GFOD1: variants seen among roughly 807,000 people sequenced by gnomAD.
The protein encoded by GFOD1 is Gfo/Idh/MocA-like oxidoreductase domain containing 1, also known as glucose-fructose oxidoreductase domain-containing protein 1.
GFOD1 carries 9 observed loss-of-function variants against 25.4 expected under a neutral mutation model. That is an observed-to-expected ratio of 0.35 (90% CI 0.21 to 0.62). The LOEUF (loss-of-function observed/expected upper bound fraction) is 0.62. GFOD1 is among the 20% of genes least tolerant of loss of function. The pLI is 0.72. For synonymous variants in GFOD1, 253 were observed against 245.6 expected (o/e 1.03, Z -0.28); for missense variants, 403 against 556.9 (o/e 0.72, Z 2.78).
At chr6:13,486,133 T>G in intron 1 of GFOD1, 3 of 987,888 alleles carry the variant, frequency 3.0e-6, no homozygotes, top group South Asian at 9.3e-5. Flanking sequence ...GGGCAGGTCC[T>G]CTATCGCACC....
chr6:13,369,023 T>C (rs1439842051), intron 1 of GFOD1, among the ~76,000 whole-genome samples: 4 of 152,240 alleles, frequency 2.6e-5, no homozygotes, highest in African/African-American at 7.2e-5. Context: ...CTCTTTTTAA[T>C]GGTAAAACTG....
At chr6:13,440,967 TAA>T (rs1347561568) in intron 1 of GFOD1, among the ~76,000 whole-genome samples, 1 of 152,180 alleles carries the variant, frequency 6.6e-6, no homozygotes, top group Non-Finnish European at 1.5e-5. Context: ...TGGATGGGAA[TAA>T]AAAGAATAGG....
chr6:13,410,530 G>A (rs140962540), intron 1 of GFOD1, among the ~76,000 whole-genome samples: 48 of 150,072 alleles, frequency 3.2e-4, no homozygotes, highest in Non-Finnish European at 5.3e-4. Flanking sequence ...TAGCATCATT[G>A]CACTCCAGCC....
At chr6:13,465,601 G>T (rs1758366437) in intron 1 of GFOD1, among the ~76,000 whole-genome samples, 1 of 152,206 alleles carries the variant, frequency 6.6e-6, no homozygotes, top group African/African-American at 2.4e-5. Flanking sequence ...CAGAGACGCT[G>T]ATGTAACCGG....
At chr6:13,449,842 G>A (rs145414264) in intron 1 of GFOD1, among the ~76,000 whole-genome samples, 527 of 152,116 alleles carry the variant, frequency 3.5e-3, no homozygotes, top group African/African-American at 0.012. Context: ...ACCTAGTCTC[G>A]GATATGTCTT....
At chr6:13,385,988 C>T (rs1391166561) in intron 1 of GFOD1, among the ~76,000 whole-genome samples, 1 of 152,066 alleles carries the variant, frequency 6.6e-6, no homozygotes, top group East Asian at 1.9e-4. Context: ...CCTCAATCAC[C>T]AGCTTATAAG....
intron 1 of GFOD1, among the ~76,000 whole-genome samples, chr6:13,377,043 A>G (rs1167590633): frequency 2.6e-5 from 4 of 151,324 alleles, no homozygotes; most frequent in Non-Finnish European, 5.9e-5. Context: ...TTAAAAGCCA[A>G]TATATTTCAC....
intron 1 of GFOD1, among the ~76,000 whole-genome samples, chr6:13,384,543 T>C (rs1254525919): frequency 6.6e-6 from 1 of 152,208 alleles, no homozygotes. Flanking sequence ...GTCAATACTT[T>C]GGTGTCTCCT....
chr6:13,445,773 G>T (rs1488359104), intron 1 of GFOD1, among the ~76,000 whole-genome samples: 1 of 152,176 alleles, frequency 6.6e-6, no homozygotes, highest in Non-Finnish European at 1.5e-5. Flanking sequence ...GTAAAACTCA[G>T]GACTAATCTT....
At chr6:13,464,799 G>A (rs1562227171) in intron 1 of GFOD1, among the ~76,000 whole-genome samples, 1 of 151,808 alleles carries the variant, frequency 6.6e-6, no homozygotes, top group East Asian at 1.9e-4. Context: ...TTTTCTTTAG[G>A]TCTCTAGCCC....
At chr6:13,412,316 A>T (rs947089693) in intron 1 of GFOD1, among the ~76,000 whole-genome samples, 1 of 152,232 alleles carries the variant, frequency 6.6e-6, no homozygotes, top group Non-Finnish European at 1.5e-5. Context: ...TGACGCAGAC[A>T]CAACAGAGGG....
intron 1 of GFOD1, among the ~76,000 whole-genome samples, chr6:13,419,248 C>A (rs1786213778): frequency 6.6e-6 from 1 of 152,220 alleles, no homozygotes; most frequent in Admixed American, 6.5e-5. Context: ...TGACTGAGAT[C>A]TGGAGATCAA....
chr6:13,423,554 CG>C (rs1786296926), intron 1 of GFOD1, among the ~76,000 whole-genome samples: 1 of 152,170 alleles, frequency 6.6e-6, no homozygotes, highest in Non-Finnish European at 1.5e-5. Flanking sequence ...TCGAGGCAAG[CG>C]GCTCTCCATG....
Position 13,467,038 on chromosome 6 carries a change from C to A in GFOD1, c.253+19600G>T, listed in dbSNP as rs147374480. On this transcript the variant is annotated intron_variant, in intron 1 of 1. Transcript: ENST00000379287. ...TGCTACTTTGCCCTGGAATACATCT[C>A]CTCCCTTACAGATAAAAGAAAGAAT... Among the ~76,000 whole-genome samples the A allele has an allele frequency of 6.2e-4, 94 of 152,176 alleles. 1 individual carries two copies. Among genetic ancestry groups the A allele is most frequent in the African/African-American group, 2.2e-3 (92 of 41,514 alleles).
chr6:13,470,024 C>T, intron 1 of GFOD1: 1 of 1,361,768 alleles, frequency 7.3e-7, no homozygotes, highest in Non-Finnish European at 9.8e-7. Context: ...TCTAACTCCC[C>T]ATGACTGAGA....
intron 1 of GFOD1, among the ~76,000 whole-genome samples, chr6:13,463,647 G>T (rs944174763): frequency 6.6e-6 from 1 of 152,082 alleles, no homozygotes; most frequent in Non-Finnish European, 1.5e-5. Context: ...TTAATGAAAT[G>T]AAAGAAAGAA....
chr6:13,432,184 T>C (rs1452965328), intron 1 of GFOD1, among the ~76,000 whole-genome samples: 1 of 151,696 alleles, frequency 6.6e-6, no homozygotes, highest in Admixed American at 6.6e-5. Flanking sequence ...TCCACACAAC[T>C]AATCACCAGA....
chr6:13,474,319 C>T (rs774929862), intron 1 of GFOD1, among the ~76,000 whole-genome samples: 9 of 152,036 alleles, frequency 5.9e-5, no homozygotes, highest in Admixed American at 1.3e-4. Context: ...GCAGAGGTTG[C>T]GGTGAGCTGA....
chr6:13,456,114 G>A (rs17618766), intron 1 of GFOD1, among the ~76,000 whole-genome samples: 3,771 of 152,276 alleles, frequency 0.025, 65 homozygotes, highest in Middle Eastern at 0.058. Flanking sequence ...AGATCTCAGA[G>A]GGTTGAAGGG....
Sources: gnomAD v4.1 joint callset for allele counts (sites outside exome capture counted in the v4.1 genomes callset) on GRCh38, gnomAD v4.1.1 for gene constraint, MANE v1.5 for transcripts, NCBI Gene and HGNC (gene_info 2026-07-23, HGNC 2026-07-21) for gene names.